TLN2: variants seen among roughly 807,000 people sequenced by gnomAD.
TLN2 encodes the protein talin-2.
TLN2 carries 118 observed loss-of-function variants against 294.7 expected under a neutral mutation model. The observed-to-expected ratio is 0.40, with a 90% CI of 0.34 to 0.47. The LOEUF (loss-of-function observed/expected upper bound fraction) is 0.47. TLN2 is among the 20% of genes least tolerant of loss of function. The probability of loss-of-function intolerance (pLI) is 0.84; values close to 1 mark genes in which losing one functional copy is unlikely to be tolerated. For synonymous variants in TLN2, 1,431 were observed against 1,304.5 expected (o/e 1.10, Z -2.09); for missense variants, 3,083 against 3,282.2 (o/e 0.94, Z 1.48).
chr15:62,635,182 CTTG>C (rs1176972142), intron 3 of TLN2, among the ~76,000 whole-genome samples: 1 of 152,010 alleles, frequency 6.6e-6, no homozygotes, highest in Non-Finnish European at 1.5e-5. Flanking sequence ...TTCATTATTT[CTTG>C]TTGTTTTGTT....
At chr15:62,669,791 C>A (rs1171672038) in intron 9 of TLN2, among the ~76,000 whole-genome samples, 1 of 152,172 alleles carries the variant, frequency 6.6e-6, no homozygotes, top group Admixed American at 6.5e-5. Flanking sequence ...CTTGATGACA[C>A]CCTGCCTGCT....
rs537731196 is a variant in TLN2 at position 62,691,908 on chromosome 15, A to G, written c.1114-932A>G. ...AGGCTGGTCTTGAACTCCTGGGCAC[A>G]AGTGATCCTCTCGCCTCAACCTCCC... is the stretch of plus-strand genomic sequence containing the variant. On this transcript the variant is annotated intron_variant, in intron 12 of 58. Coordinates refer to ENST00000636159, the MANE Select transcript of TLN2 (RefSeq NM_015059.3). Among the ~76,000 whole-genome samples, 81 of 152,276 alleles carry G rather than the reference A, an allele frequency of 5.3e-4. 1 individual carries two copies. The East Asian group carries it at 8.1e-3, about 15-fold the overall frequency.
intron 1 of TLN2, among the ~76,000 whole-genome samples, chr15:62,456,926 T>C (rs758303007): frequency 6.6e-6 from 1 of 151,776 alleles, no homozygotes; most frequent in Non-Finnish European, 1.5e-5. Context: ...AGCTGTGGGA[T>C]GGGGGAATTC....
At chr15:62,687,104 C>G (rs905068285) in intron 12 of TLN2, among the ~76,000 whole-genome samples, 4 of 152,144 alleles carry the variant, frequency 2.6e-5, no homozygotes, top group African/African-American at 9.7e-5. Context: ...TGATGACATC[C>G]CTAGCATATA....
intron 2 of TLN2, among the ~76,000 whole-genome samples, chr15:62,606,791 T>C (rs1362705292): frequency 6.6e-6 from 1 of 152,188 alleles, no homozygotes; most frequent in Non-Finnish European, 1.5e-5. Context: ...GCTGTGTAGA[T>C]TGTAGTGTCA....
intron 1 of TLN2, among the ~76,000 whole-genome samples, chr15:62,536,471 A>C (rs994283473): frequency 6.6e-6 from 1 of 152,222 alleles, no homozygotes; most frequent in Non-Finnish European, 1.5e-5. Context: ...GAACAGGACT[A>C]ATTAGTACAT....
Position 62,838,965 on chromosome 15 carries a change from TG to T in TLN2, c.7490del (p.Gly2497AlafsTer13), listed in dbSNP as rs1567724119. The stretch of plus-strand genomic sequence containing the variant: ...GATGTTGTAGTGAAAACCAAGTTTG[TG>T]GGGGGCATTGCTCAGGTTTGTAATT... ...DDDVVVKTKF[V>X]GGIAQIIAAQ... On this transcript the variant is annotated frameshift_variant, in exon 58 of 59. Transcript: ENST00000636159. LOFTEE classifies it high-confidence loss of function. 1 of 1,614,100 alleles carries T rather than the reference TG, an allele frequency of 6.2e-7. No individual in the cohort carries two copies. The highest frequency in any genetic ancestry group is 8.5e-7 in the Non-Finnish European group (1 of 1,179,998).
intron 1 of TLN2, among the ~76,000 whole-genome samples, chr15:62,589,452 A>G (rs931694248): frequency 3.3e-5 from 5 of 152,218 alleles, no homozygotes; most frequent in African/African-American, 1.2e-4. Flanking sequence ...GAAGAAGAAA[A>G]TGTGTTTTGT....
intron 1 of TLN2, among the ~76,000 whole-genome samples, chr15:62,555,801 C>A (rs2042570611): frequency 6.6e-6 from 1 of 152,040 alleles, no homozygotes; most frequent in Admixed American, 6.6e-5. Context: ...TATTTGCTTT[C>A]TATACTCTCC....
intron 1 of TLN2, among the ~76,000 whole-genome samples, chr15:62,468,947 A>T (rs1300391065): frequency 3.3e-5 from 5 of 152,176 alleles, no homozygotes; most frequent in Admixed American, 3.3e-4. Context: ...GAATACAGCA[A>T]TTGCCCAGAA....
chr15:62,840,703 G>T lies in TLN2; in HGVS notation c.*93G>T, dbSNP rs964100502. 5.3e-6 allele frequency: 8 copies of T among 1,505,780 alleles called. No homozygotes were observed. The highest frequency in any genetic ancestry group is 4.4e-5 in the Admixed American group (2 of 45,042). The allele number at this position is 1,505,780 out of a possible 1,614,324, so 93.3% of individuals were successfully genotyped here. On this transcript the variant is annotated 3_prime_UTR_variant, in exon 59 of 59. Coordinates refer to ENST00000636159, the MANE Select transcript of TLN2 (RefSeq NM_015059.3). Reference sequence around the variant, plus strand: ...GAGGCTGGGCACTTAGCTGGAAACCGCCCACCTCCCTCCCGGGTGAGCCTG... The same window carrying T: ...GAGGCTGGGCACTTAGCTGGAAACCTCCCACCTCCCTCCCGGGTGAGCCTG...
At chr15:62,709,337 G>C (rs564681233) in intron 21 of TLN2, among the ~76,000 whole-genome samples, 6 of 152,306 alleles carry the variant, frequency 3.9e-5, no homozygotes, top group Non-Finnish European at 7.3e-5. Context: ...AATTTTGGCA[G>C]GCTCTAAATT....
chr15:62,694,961 G>A (rs1236590192), intron 14 of TLN2, among the ~76,000 whole-genome samples: 1 of 152,048 alleles, frequency 6.6e-6, no homozygotes, highest in Non-Finnish European at 1.5e-5. Context: ...TATAAAATGG[G>A]GATAATGATA....
Position 62,792,665 on chromosome 15 carries a change from G to A in TLN2, c.5761G>A (p.Val1921Met), listed in dbSNP as rs779752885. ...EEIGFQIRTR[V>M]QDLGHGCIFL... ...GATCGGATTCCAGATTCGCACTCGT[G>A]TGCAGGACCTGGGCCACGGCTGTAT... Residue 1921 changes from valine to methionine, a missense_variant, in exon 46 of 59, where the codon GTG becomes ATG. Transcript: ENST00000636159. The A allele has an allele frequency of 5.6e-6, 9 of 1,613,728 alleles. No individual in the cohort carries two copies. The South Asian group carries it at 9.9e-5, about 18-fold the overall frequency.
Position 62,648,303 on chromosome 15 carries a change from C to G in TLN2, c.136+857C>G, listed in dbSNP as rs143557038. 1.5e-4 allele frequency among the ~76,000 whole-genome samples: 23 copies of G among 148,482 alleles called. No homozygotes were observed. The East Asian group carries it at 3.4e-3, about 22-fold the overall frequency. On this transcript the variant is annotated intron_variant, in intron 4 of 58. Coordinates refer to ENST00000636159, the MANE Select transcript of TLN2 (RefSeq NM_015059.3). ...GAGTGTCGTGGTATGTGCCTGTAGT[C>G]TCAGGGCAGGAAAGTAGTTTCAACC...
chr15:62,640,075 C>A, intron 3 of TLN2: 1 of 441,112 alleles, frequency 2.3e-6, no homozygotes, highest in Non-Finnish European at 4.6e-6. Context: ...GACTGTCCTG[C>A]CGAGCGAGGT....
chr15:62,522,980 T>TCTCACA, intron 1 of TLN2, among the ~76,000 whole-genome samples: 1 of 87,704 alleles, frequency 1.1e-5, no homozygotes, highest in East Asian at 4.9e-4. Context: ...ACACACACAC[T>TCTCACA]CTCTCACTCA....
At chr15:62,766,648 G>A (rs2063027135) in intron 41 of TLN2, among the ~76,000 whole-genome samples, 1 of 152,180 alleles carries the variant, frequency 6.6e-6, no homozygotes, top group Non-Finnish European at 1.5e-5. Flanking sequence ...GAAAACTTCA[G>A]TGCAGTTTTT....
At chr15:62,683,968 A>T (rs2057082048) in intron 11 of TLN2, 1 of 152,234 alleles carries the variant, frequency 6.6e-6, no homozygotes. Flanking sequence ...GATCTCAGCC[A>T]TTTGCTACTT....
Sources: allele counts gnomAD v4.1 joint callset (sites outside exome capture counted in the v4.1 genomes callset), GRCh38; gene constraint gnomAD v4.1.1; transcripts MANE v1.5; gene names NCBI Gene and HGNC (gene_info 2026-07-23, HGNC 2026-07-21).